Variants in RBFOX3 observed in about 807,000 individuals in gnomAD.
RBFOX3 encodes RNA binding fox-1 homolog 3, also known as RNA binding protein fox-1 homolog 3.
Under a neutral mutation model 48.7 loss-of-function variants are expected in RBFOX3, and 17 were observed. The observed-to-expected ratio is 0.35, with a 90% CI of 0.24 to 0.52. The LOEUF (loss-of-function observed/expected upper bound fraction) is 0.52. Among genes scored for constraint, RBFOX3 ranks in the 20% least tolerant of loss-of-function variants. The pLI, the probability that RBFOX3 is intolerant of heterozygous loss-of-function variation, is 0.94. For missense variants in RBFOX3, 382 were observed against 497.5 expected (o/e 0.77, Z 2.21); for synonymous variants, 212 against 209.5 (o/e 1.01, Z -0.10).
At chr17:79,528,699 T>C (rs1050703964) in intron 1 of RBFOX3, among the ~76,000 whole-genome samples, 52 of 151,978 alleles carry the variant, frequency 3.4e-4, no homozygotes, top group Middle Eastern at 3.4e-3. Context: ...CGTGTGAAGA[T>C]GGAGGCAGAG....
intron 4 of RBFOX3, among the ~76,000 whole-genome samples, chr17:79,164,899 G>GA (rs200197468): frequency 0.011 from 1,740 of 152,310 alleles, 36 homozygotes; most frequent in African/African-American, 0.04. Flanking sequence ...CCCTGCACCA[G>GA]AATCACCCAA....
chr17:79,381,404 G>A (rs569872400), intron 2 of RBFOX3, among the ~76,000 whole-genome samples: 76 of 151,400 alleles, frequency 5.0e-4, no homozygotes, highest in African/African-American at 1.7e-3. Flanking sequence ...TTCTTTGTAC[G>A]GAGTCTTTGA....
In RBFOX3 at chr17:79,243,075, T is replaced by C. The variant is rs532377886; in HGVS notation, c.-73-7270A>G. On this transcript the variant is annotated intron_variant, in intron 3 of 14. Coordinates refer to ENST00000693108, the MANE Select transcript of RBFOX3 (RefSeq NM_001350451.2). The surrounding 1 kb of genome is among the most constrained non-coding windows in gnomAD (Gnocchi z 7.9). ...ATGCCATTGATGATGTCATTTCAGC[T>C]TTACAACCACCCTAGGGGGCAGGTA... 1.1e-4 allele frequency among the ~76,000 whole-genome samples: 16 copies of C among 152,256 alleles called. No individual in the cohort carries two copies. The highest frequency in any genetic ancestry group is 3.6e-4 in the African/African-American group (15 of 41,534).
intron 4 of RBFOX3, among the ~76,000 whole-genome samples, chr17:79,139,637 G>A (rs1417527549): frequency 6.6e-6 from 1 of 152,222 alleles, no homozygotes; most frequent in Non-Finnish European, 1.5e-5. Flanking sequence ...CCTGTGGGTG[G>A]GCACGTGGCT....
At chr17:79,168,994 C>T (rs901646892) in intron 4 of RBFOX3, among the ~76,000 whole-genome samples, 26 of 152,208 alleles carry the variant, frequency 1.7e-4, no homozygotes, top group African/African-American at 6.3e-4. Flanking sequence ...TTGGAAACAA[C>T]CAGCACCCCA....
chr17:79,427,937 C>A (rs2067689186), intron 2 of RBFOX3, among the ~76,000 whole-genome samples: 1 of 152,250 alleles, frequency 6.6e-6, no homozygotes, highest in East Asian at 1.9e-4. Context: ...GGGCCCCGTG[C>A]TCCCAGCAGA....
In RBFOX3 at chr17:79,247,741, AG is replaced by A. The variant is rs202050624; in HGVS notation, c.-73-11937del. Among the ~76,000 whole-genome samples the A allele has an allele frequency of 8.0e-3, 1,218 of 152,278 alleles. 22 individuals are homozygous for A. The highest frequency in any genetic ancestry group is 0.028 in the African/African-American group (1,145 of 41,532). ...CTCCACTCTTCCAGCTCCAGAGAAG[AG>A]AAGGCAAGGCAGGACCCTGGCTGTG... On this transcript the variant is annotated intron_variant, in intron 3 of 14. Coordinates refer to ENST00000693108, the MANE Select transcript of RBFOX3 (RefSeq NM_001350451.2).
chr17:79,629,624 G>T, the RBFOX3 span, among the ~76,000 whole-genome samples: 1 of 152,190 alleles, frequency 6.6e-6, no homozygotes, highest in East Asian at 1.9e-4. Flanking sequence ...CCTTTAACTC[G>T]GCAATTCCAC....
At chr17:79,615,718 G>A (rs1409400549), upstream of RBFOX3, among the ~76,000 whole-genome samples, 1 of 152,088 alleles carries the variant, frequency 6.6e-6, no homozygotes, top group East Asian at 1.9e-4. Flanking sequence ...CATTTACTTT[G>A]ATCTACTCTT....
chr17:79,585,955 A>G (rs987499739), intron 1 of RBFOX3, among the ~76,000 whole-genome samples: 20,444 of 152,246 alleles, frequency 0.13, 1,564 homozygotes, highest in African/African-American at 0.2. Flanking sequence ...GAGCTCCTGC[A>G]TCCACCAACC....
chr17:79,118,727 C>G (rs1346291083), intron 4 of RBFOX3, among the ~76,000 whole-genome samples: 1 of 151,878 alleles, frequency 6.6e-6, no homozygotes, highest in Non-Finnish European at 1.5e-5. Flanking sequence ...AATCCCAGCA[C>G]TTTGGGAGGC....
At chr17:79,201,716 C>T (rs1299331662) in intron 4 of RBFOX3, among the ~76,000 whole-genome samples, 3 of 152,180 alleles carry the variant, frequency 2.0e-5, no homozygotes, top group Non-Finnish European at 2.9e-5. Context: ...TGGCCCATGG[C>T]CCCCATGCCC....
rs927614991 is a variant in RBFOX3 at position 79,553,360 on chromosome 17, G to C, written c.-320+57466C>G. 1.4e-4 allele frequency among the ~76,000 whole-genome samples: 22 copies of C among 152,242 alleles called. No individual in the cohort carries two copies. The East Asian group carries it at 4.0e-3, about 28-fold the overall frequency. On this transcript the variant is annotated intron_variant, in intron 1 of 14. Coordinates refer to ENST00000693108, the MANE Select transcript of RBFOX3 (RefSeq NM_001350451.2). ...GTATTATTATTTTAAGATGATGCTT[G>C]GATCCTATTTGGTAATCTGTTATTT...
At chr17:79,509,716 T>A (rs1330700164) in intron 1 of RBFOX3, among the ~76,000 whole-genome samples, 2 of 151,316 alleles carry the variant, frequency 1.3e-5, no homozygotes, top group Admixed American at 1.3e-4. Context: ...CCCCAGGCCC[T>A]CGGTGACAGC....
chr17:79,139,881 C>T (rs922134723), intron 4 of RBFOX3, among the ~76,000 whole-genome samples: 20 of 152,196 alleles, frequency 1.3e-4, no homozygotes, highest in South Asian at 2.1e-4. Flanking sequence ...CCCAGCCAGA[C>T]GACGTGGGTG....
rs149128240 is a variant in RBFOX3 at position 79,358,611 on chromosome 17, C to T, written c.-174-50787G>A. ...TAGTAGCTGGGATTACAGGTGTGCACCATCACGCCTGGCTAATTTTTGTAT... is the reference window on the plus strand; with the variant it reads ...TAGTAGCTGGGATTACAGGTGTGCATCATCACGCCTGGCTAATTTTTGTAT... On this transcript the variant is annotated intron_variant, in intron 2 of 14. Transcript: ENST00000693108. Among the ~76,000 whole-genome samples, 323 of 152,236 alleles carry T rather than the reference C, an allele frequency of 2.1e-3. 1 individual carries two copies. Among genetic ancestry groups the T allele is most frequent in the African/African-American group, 7.6e-3 (316 of 41,520 alleles).
At chr17:79,405,508 G>T (rs914484202) in intron 2 of RBFOX3, among the ~76,000 whole-genome samples, 9 of 152,080 alleles carry the variant, frequency 5.9e-5, no homozygotes, top group African/African-American at 2.2e-4. Context: ...ATCACTTGAG[G>T]CCAGGAGTTC....
chr17:79,403,731 A>G (rs2063128234), intron 2 of RBFOX3, among the ~76,000 whole-genome samples: 1 of 151,092 alleles, frequency 6.6e-6, no homozygotes, highest in African/African-American at 2.4e-5. Flanking sequence ...AAACCTGCCC[A>G]GGCCCCGTCC....
upstream of RBFOX3, among the ~76,000 whole-genome samples, chr17:79,615,087 G>T (rs1017634100): frequency 7.9e-5 from 12 of 151,372 alleles, no homozygotes; most frequent in Middle Eastern, 3.4e-3. Flanking sequence ...GTTTCCCCAA[G>T]TTTCCAGGTG....
Sources: gnomAD v4.1 joint callset for allele counts (sites outside exome capture counted in the v4.1 genomes callset) on GRCh38, gnomAD v4.1.1 for gene constraint, Gnocchi (gnomAD v3.1) non-coding constraint, MANE v1.5 for transcripts, NCBI Gene and HGNC (gene_info 2026-07-23, HGNC 2026-07-21) for gene names.